The following SUPT3H variants were observed in gnomAD, a reference collection of about 807,000 sequenced individuals.
SUPT3H encodes SPT3 homolog, SAGA and STAGA complex component, also known as transcription initiation protein SPT3 homolog.
SUPT3H carries 44 observed loss-of-function variants against 44.3 expected under a neutral mutation model. That is an observed-to-expected ratio of 0.99 (90% CI 0.78 to 1.28). The LOEUF (loss-of-function observed/expected upper bound fraction) is 1.28, where lower values mean the gene tolerates loss of function less well. Among genes scored for constraint, SUPT3H ranks in the 50% most tolerant of loss-of-function variants. The pLI is 0.00. For missense variants in SUPT3H, 380 were observed against 387.1 expected, an observed-to-expected ratio of 0.98 and a Z score of 0.15; for synonymous variants, 124 against 125.6, an observed-to-expected ratio of 0.99 and a Z score of 0.09.
intron 2 of SUPT3H, among the ~76,000 whole-genome samples, chr6:45,361,937 G>A (rs1377261505): frequency 6.6e-6 from 1 of 152,136 alleles, no homozygotes; most frequent in Non-Finnish European, 1.5e-5. Context: ...TGTATTCCCA[G>A]CTACTTGGGA....
chr6:45,093,994 T>C (rs1797469229), intron 3 of SUPT3H, among the ~76,000 whole-genome samples: 4 of 152,152 alleles, frequency 2.6e-5, no homozygotes, highest in African/African-American at 9.6e-5. Flanking sequence ...TCATTTAAAA[T>C]TGGGTATTAT....
intron 2 of SUPT3H, among the ~76,000 whole-genome samples, chr6:45,140,107 T>G (rs1804932404): frequency 6.6e-6 from 1 of 151,960 alleles, no homozygotes; most frequent in African/African-American, 2.4e-5. Context: ...ATCCCCCACT[T>G]CACTGGTGAA....
intron 10 of SUPT3H, among the ~76,000 whole-genome samples, chr6:44,884,139 A>G (rs1293733661): frequency 6.6e-6 from 1 of 152,216 alleles, no homozygotes; most frequent in Non-Finnish European, 1.5e-5. Context: ...TCCAGAATCT[A>G]CAAGGAACTT....
chr6:44,925,335 G>A (rs1439752814), intron 10 of SUPT3H, among the ~76,000 whole-genome samples: 4 of 152,122 alleles, frequency 2.6e-5, no homozygotes, highest in African/African-American at 9.7e-5. Context: ...CTAGAGATTT[G>A]TTTCTACAGA....
At chr6:45,292,409 A>G (rs1281390651) in intron 2 of SUPT3H, among the ~76,000 whole-genome samples, 1 of 152,158 alleles carries the variant, frequency 6.6e-6, no homozygotes, top group Non-Finnish European at 1.5e-5. Flanking sequence ...AATACAATTT[A>G]AAAAACAAAA....
At chr6:45,324,321 A>T (rs532341055) in intron 2 of SUPT3H, among the ~76,000 whole-genome samples, 6 of 152,028 alleles carry the variant, frequency 3.9e-5, no homozygotes, top group African/African-American at 1.4e-4. Context: ...GGATTCAAGA[A>T]ACAATTAAAA....
chr6:44,906,776 A>G (rs910845692), intron 10 of SUPT3H, among the ~76,000 whole-genome samples: 3 of 152,178 alleles, frequency 2.0e-5, no homozygotes, highest in Admixed American at 2.0e-4. Context: ...AACAAACAAA[A>G]AAAATTCACA....
intron 10 of SUPT3H, among the ~76,000 whole-genome samples, chr6:44,866,199 T>C (rs1040622811): frequency 6.6e-6 from 1 of 151,688 alleles, no homozygotes; most frequent in Non-Finnish European, 1.5e-5. Context: ...ATAACTTTTG[T>C]ATGATTCCTA....
At chr6:44,895,121 A>G (rs1264974009) in intron 10 of SUPT3H, among the ~76,000 whole-genome samples, 3 of 152,112 alleles carry the variant, frequency 2.0e-5, no homozygotes, top group Non-Finnish European at 4.4e-5. Flanking sequence ...TACACAGACA[A>G]TGAATTGAAC....
chr6:45,157,533 A>G (rs1808028941), intron 2 of SUPT3H, among the ~76,000 whole-genome samples: 1 of 151,098 alleles, frequency 6.6e-6, no homozygotes, highest in African/African-American at 2.4e-5. Context: ...TGTTTTATAT[A>G]TATAAATATA....
At chr6:45,293,568 G>A (rs1426002040) in intron 2 of SUPT3H, among the ~76,000 whole-genome samples, 1 of 151,882 alleles carries the variant, frequency 6.6e-6, no homozygotes, top group African/African-American at 2.4e-5. Context: ...TCTTTCAAAT[G>A]ATAAACCTGA....
chr6:45,218,156 G>C (rs377156554), intron 2 of SUPT3H, among the ~76,000 whole-genome samples: 106 of 152,148 alleles, frequency 7.0e-4, no homozygotes, highest in African/African-American at 2.5e-3. Flanking sequence ...AAGCAAAAGA[G>C]TGAAAAATAT....
intron 2 of SUPT3H, among the ~76,000 whole-genome samples, chr6:45,311,089 T>C (rs1304272196): frequency 6.6e-6 from 1 of 152,022 alleles, no homozygotes; most frequent in Non-Finnish European, 1.5e-5. Flanking sequence ...GAAAATACAA[T>C]CAAAAATTCA....
chr6:44,944,617 C>T (rs1772994099), intron 9 of SUPT3H, among the ~76,000 whole-genome samples: 1 of 151,144 alleles, frequency 6.6e-6, no homozygotes, highest in African/African-American at 2.4e-5. Context: ...CAATAATTAG[C>T]TAGGCGTAGT....
chr6:45,088,550 T>A (rs907351625), intron 3 of SUPT3H, among the ~76,000 whole-genome samples: 1 of 152,036 alleles, frequency 6.6e-6, no homozygotes, highest in Non-Finnish European at 1.5e-5. Context: ...AGGAATATGC[T>A]CAAGACTGTA....
chr6:45,092,173 T>C (rs1453105811), intron 3 of SUPT3H, among the ~76,000 whole-genome samples: 2 of 152,234 alleles, frequency 1.3e-5, no homozygotes, highest in Non-Finnish European at 2.9e-5. Flanking sequence ...ATTGCCTTGG[T>C]CCTTTCCATT....
At chr6:45,128,547 TATATATATATACAC>T (rs1191596373) in intron 2 of SUPT3H, among the ~76,000 whole-genome samples, 4 of 64,280 alleles carry the variant, frequency 6.2e-5, no homozygotes, top group African/African-American at 9.0e-5. Flanking sequence ...TATATATATA[TATATATATATACAC>T]ACACACACAC....
chr6:45,106,132 T>C lies in SUPT3H; in HGVS notation c.102-126A>G, dbSNP rs1301478978. 3.9e-6 allele frequency: 3 copies of C among 772,454 alleles called. No individual in the cohort carries two copies. In the African/African-American group the frequency reaches 5.2e-5, roughly 13 times the overall value. 47.8% of individuals were successfully genotyped at this position (772,454 alleles called of 1,614,324 possible). On this transcript the variant is annotated intron_variant, in intron 2 of 10. Transcript: ENST00000371459. The stretch of plus-strand genomic sequence containing the variant: ...TAAATTGTTTGCCCAAATGTCTGAA[T>C]GGGTGTGCAATTTTCTTGGCCAGGT...
chr6:45,239,783 T>C (rs939567012), intron 2 of SUPT3H, among the ~76,000 whole-genome samples: 2 of 152,232 alleles, frequency 1.3e-5, no homozygotes, highest in Non-Finnish European at 2.9e-5. Context: ...AACACATTAC[T>C]GGCATCCCAT....
Sources: allele counts gnomAD v4.1 joint callset (sites outside exome capture counted in the v4.1 genomes callset), GRCh38; gene constraint gnomAD v4.1.1; transcripts MANE v1.5; gene names NCBI Gene and HGNC (gene_info 2026-07-23, HGNC 2026-07-21).